PCSK6: variants seen among roughly 807,000 people sequenced by gnomAD.
The protein encoded by PCSK6 is paired basic amino acid cleaving enzyme 4.
Under a neutral mutation model 123.3 loss-of-function variants are expected in PCSK6, and 85 were observed. That is an observed-to-expected ratio of 0.69 (90% confidence interval 0.58 to 0.83). PCSK6 has a LOEUF of 0.83. Among genes scored for constraint, PCSK6 ranks in the 40% least tolerant of loss-of-function variants. The pLI, the probability that PCSK6 is intolerant of heterozygous loss-of-function variation, is 0.00. For missense variants in PCSK6, 1,191 were observed against 1,282.3 expected (o/e 0.93, Z 1.09); for synonymous variants, 508 against 516.0 (o/e 0.98, Z 0.21).
intron 6 of PCSK6, among the ~76,000 whole-genome samples, chr15:101,400,661 C>G (rs2042560997): frequency 6.6e-6 from 1 of 152,158 alleles, no homozygotes; most frequent in South Asian, 2.1e-4. Flanking sequence ...TCCATTTGTA[C>G]GATAATCATG....
At position 101,358,953 on chromosome 15, in the gene PCSK6, G is replaced by A. The variant is rs376179685; in HGVS notation, c.1858+7243C>T. 3.3e-5 allele frequency among the ~76,000 whole-genome samples: 5 copies of A among 152,322 alleles called. No homozygotes were observed. In the East Asian group the frequency reaches 7.7e-4, roughly 24 times the overall value. ...GAGGGCCACATGGATTTCCACTGTG[G>A]AGAGATGCTGGTGGGACCCAGGCTC... On this transcript the variant is annotated intron_variant, in intron 13 of 21. Transcript: ENST00000611716.
At chr15:101,456,320 G>A (rs1041100918) in intron 1 of PCSK6, among the ~76,000 whole-genome samples, 2 of 152,146 alleles carry the variant, frequency 1.3e-5, no homozygotes, top group East Asian at 1.9e-4. Flanking sequence ...TGCAGTCACC[G>A]TCTGTGCGTT....
At chr15:101,313,548 CAGA>C (rs1293675758) in intron 19 of PCSK6, 43 bp from the exon 20 acceptor site, 2 of 1,560,186 alleles carry the variant, frequency 1.3e-6, no homozygotes, top group South Asian at 2.4e-5. Flanking sequence ...GGATGGCTGG[CAGA>C]AGACCATGCC....
chr15:101,314,047 C>T (rs544289811), intron 19 of PCSK6, among the ~76,000 whole-genome samples: 5 of 152,236 alleles, frequency 3.3e-5, no homozygotes, highest in South Asian at 2.1e-4. Flanking sequence ...TTGCACAGAA[C>T]GCTGTAGAAG....
At position 101,420,421 on chromosome 15, in the gene PCSK6, C is replaced by T. The variant is rs146309303; in HGVS notation, c.823+7471G>A. On this transcript the variant is annotated intron_variant, in intron 6 of 21. Transcript: ENST00000611716. Reference sequence around the variant, plus strand: ...CTGTCACCCAGCTGGAGTATAATGACGCAATCATGGCTCACTGCGGCCTCG... The same window carrying T: ...CTGTCACCCAGCTGGAGTATAATGATGCAATCATGGCTCACTGCGGCCTCG... Among the ~76,000 whole-genome samples, 389 of 152,144 alleles carry T rather than the reference C, an allele frequency of 2.6e-3. 2 individuals carry two copies. The highest frequency in any genetic ancestry group is 0.017 in the Middle Eastern group (5 of 294).
Position 101,370,382 on chromosome 15 carries a change from G to C in PCSK6, c.1674C>G (p.Ile558Met). The change falls in exon 12 of 22, where the codon ATC (isoleucine) becomes ATG (methionine). Residue 558 changes from isoleucine (I) to methionine (M), a missense_variant. Physicochemically the swap from Ile to Met is conservative, Grantham distance 10. Around this residue, in one of 3 missense-constraint regions of PCSK6, gnomAD observed 630 missense variants for 631.4 expected, o/e 1.00. Coordinates refer to ENST00000611716, the MANE Select transcript of PCSK6 (RefSeq NM_002570.5). Reference sequence around the variant, plus strand: ...TGGTTCCCGAGGGAGAAACCAGGTAGATCTGGAGGTCTCCTCGGCGTGGGT... The same window carrying C: ...TGGTTCCCGAGGGAGAAACCAGGTACATCTGGAGGTCTCCTCGGCGTGGGT... The part of the protein sequence containing the change: ...ISHPRRGDLQ[I>M]YLVSPSGTKS... 6.4e-7 allele frequency: 1 copy of C among 1,554,898 alleles called. No individual in the cohort carries two copies. The highest frequency in any genetic ancestry group is 8.7e-7 in the Non-Finnish European group (1 of 1,148,954).
At chr15:101,336,215 G>C (rs1450874171) in intron 13 of PCSK6, among the ~76,000 whole-genome samples, 1 of 152,202 alleles carries the variant, frequency 6.6e-6, no homozygotes, top group African/African-American at 2.4e-5. Context: ...CTGTTCCTTA[G>C]TTTCCTCATT....
intron 21 of PCSK6, 87 bp downstream of exon 21, chr15:101,307,126 A>G (rs1447875089): frequency 3.2e-6 from 3 of 930,288 alleles, no homozygotes; most frequent in Admixed American, 2.0e-5. Context: ...CGCCATGCCT[A>G]TGTGGCTTTG....
intron 6 of PCSK6, among the ~76,000 whole-genome samples, chr15:101,425,547 T>C (rs1461617195): frequency 6.6e-6 from 1 of 152,256 alleles, no homozygotes; most frequent in African/African-American, 2.4e-5. Flanking sequence ...GAATTAATAG[T>C]ATACTATTTT....
In PCSK6 at chr15:101,322,622, C is replaced by T. The variant is rs760652253; in HGVS notation, c.2378-15G>A. On this transcript the variant is annotated splice_polypyrimidine_tract_variant and intron_variant, in intron 17 of 21. Coordinates refer to ENST00000611716, the MANE Select transcript of PCSK6 (RefSeq NM_002570.5). ...ATTTTTCTGACCTGGAGAAAAATAG[C>T]GAGATAAGAAAAGAGAAGGGACGAC... The T allele has an allele frequency of 1.4e-5, 21 of 1,546,644 alleles. No homozygotes were observed. The highest frequency in any genetic ancestry group is 4.1e-5 in the African/African-American group (3 of 73,448).
chr15:101,484,121 AG>A lies in PCSK6; in HGVS notation c.297+5252del, dbSNP rs67990250. The stretch of plus-strand genomic sequence containing the variant: ...CCACATGTAATATACCCTGATACAA[AG>A]AAAAAAAGTACAAAATGTCTAGGCA... On this transcript the variant is annotated intron_variant, in intron 1 of 21. Coordinates refer to ENST00000611716, the MANE Select transcript of PCSK6 (RefSeq NM_002570.5). Among the ~76,000 whole-genome samples, 1,521 of 152,302 alleles carry A rather than the reference AG, an allele frequency of 1.0e-2. 29 individuals carry two copies. Among genetic ancestry groups the A allele is most frequent in the African/African-American group, 0.034 (1,430 of 41,528 alleles).
intron 2 of PCSK6, among the ~76,000 whole-genome samples, chr15:101,435,595 G>T (rs2056575872): frequency 6.6e-6 from 1 of 152,210 alleles, no homozygotes; most frequent in African/African-American, 2.4e-5. Context: ...TGCTAAACAT[G>T]CAGCACAGTT....
intron 1 of PCSK6, among the ~76,000 whole-genome samples, chr15:101,477,235 ATG>A (rs2057754585): frequency 6.6e-6 from 1 of 151,916 alleles, no homozygotes; most frequent in South Asian, 2.1e-4. Context: ...TGGTGAATAT[ATG>A]TGTGTGCGTG....
chr15:101,440,841 G>A (rs1243572294), intron 2 of PCSK6, among the ~76,000 whole-genome samples: 1 of 152,162 alleles, frequency 6.6e-6, no homozygotes, highest in African/African-American at 2.4e-5. Context: ...GTAATGACTG[G>A]GTGGAGTAAA....
Position 101,346,143 on chromosome 15 carries a change from G to A in PCSK6, c.1859-14112C>T, listed in dbSNP as rs531815881. Among the ~76,000 whole-genome samples, 64 of 152,332 alleles carry A rather than the reference G, an allele frequency of 4.2e-4. 1 individual carries two copies. Among genetic ancestry groups the A allele is most frequent in the Middle Eastern group, 3.4e-3 (1 of 294 alleles). On this transcript the variant is annotated intron_variant, in intron 13 of 21. Coordinates refer to ENST00000611716, the MANE Select transcript of PCSK6 (RefSeq NM_002570.5). ...ATTTCGAAAAGCAAATTGGCAATATGTATCAAAGGCAGGCATATTTGTGGT... is the reference window on the plus strand; with the variant it reads ...ATTTCGAAAAGCAAATTGGCAATATATATCAAAGGCAGGCATATTTGTGGT...
chr15:101,366,536 C>T (rs1209186831), intron 12 of PCSK6, among the ~76,000 whole-genome samples: 1 of 152,154 alleles, frequency 6.6e-6, no homozygotes, highest in African/African-American at 2.4e-5. Flanking sequence ...CAGACTCTCT[C>T]CTCCATCACC....
intron 2 of PCSK6, among the ~76,000 whole-genome samples, chr15:101,434,185 A>C (rs982419520): frequency 6.6e-6 from 1 of 152,238 alleles, no homozygotes; most frequent in Admixed American, 6.5e-5. Context: ...ACAATATTTC[A>C]TAATCTGTTC....
intron 1 of PCSK6, among the ~76,000 whole-genome samples, chr15:101,484,601 G>C (rs1214749083): frequency 6.6e-6 from 1 of 152,006 alleles, no homozygotes. Context: ...ATGTTGGCCA[G>C]GCTGGTCTCG....
intron 1 of PCSK6, among the ~76,000 whole-genome samples, chr15:101,474,470 G>A (rs56343105): frequency 0.15 from 23,144 of 152,206 alleles, 1,884 homozygotes; most frequent in East Asian, 0.21. Context: ...TTAGCACCTC[G>A]TCCGGGGCCA....
Sources: allele counts gnomAD v4.1 joint callset (sites outside exome capture counted in the v4.1 genomes callset), GRCh38; gene constraint gnomAD v4.1.1; regional missense constraint gnomAD v4.1.1; transcripts MANE v1.5; gene names NCBI Gene and HGNC (gene_info 2026-07-23, HGNC 2026-07-21).